Variants in CDH18 observed in about 807,000 individuals in gnomAD.
CDH18 encodes the protein cadherin-18.
In CDH18, 31 loss-of-function variants were observed where a neutral mutation model predicts 67.9. The ratio of observed to expected loss-of-function variants is 0.46; its 90% CI spans 0.34 to 0.62. The LOEUF (loss-of-function observed/expected upper bound fraction) is 0.62. Among genes scored for constraint, CDH18 ranks in the 20% least tolerant of loss-of-function variants. The pLI is 0.01. For synonymous variants in CDH18, 362 were observed against 347.2 expected (o/e 1.04, Z -0.48); for missense variants, 890 against 975.5 (o/e 0.91, Z 1.17).
chr5:19,719,512 T>TTTTCAACTAATTCTAAGCTC (rs1182582846), intron 5 of CDH18, among the ~76,000 whole-genome samples: 6 of 151,916 alleles, frequency 3.9e-5, no homozygotes, highest in Non-Finnish European at 8.8e-5. Flanking sequence ...AATGGCGAGC[T>TTTTCAACTAATTCTAAGCTC]TTTCAACTAA....
At chr5:19,486,346 C>A (rs1332442086) in intron 11 of CDH18, among the ~76,000 whole-genome samples, 1 of 151,360 alleles carries the variant, frequency 6.6e-6, no homozygotes, top group Non-Finnish European at 1.5e-5. Context: ...CATATATACA[C>A]ATACACACAA....
Position 19,472,343 on chromosome 5 carries a change from A to G in CDH18, c.*883T>C, listed in dbSNP as rs1291957432. On this transcript the variant is annotated 3_prime_UTR_variant, in exon 13 of 13. Coordinates refer to ENST00000382275, the MANE Select transcript of CDH18 (RefSeq NM_004934.5). ...GAGAAATGACCAAAATTGCTGATTT[A>G]AATATAATAAAACAAGTGGAAAAAA... Among the ~76,000 whole-genome samples, 1 of 152,184 alleles carries G rather than the reference A, an allele frequency of 6.6e-6. No individual in the cohort carries two copies. The highest frequency in any genetic ancestry group is 6.6e-5 in the Admixed American group (1 of 15,264).
intron 2 of CDH18, among the ~76,000 whole-genome samples, chr5:20,036,887 T>G (rs1208731629): frequency 6.6e-6 from 1 of 152,108 alleles, no homozygotes; most frequent in African/African-American, 2.4e-5. Flanking sequence ...TTGTCTTTTT[T>G]GATCTTTGTG....
intron 2 of CDH18, among the ~76,000 whole-genome samples, chr5:19,964,647 C>CAAAAAAAAAA (rs10719096): frequency 1.3e-5 from 1 of 77,196 alleles, no homozygotes; most frequent in Non-Finnish European, 3.4e-5. Flanking sequence ...GGCCCTGTAT[C>CAAAAAAAAAA]AAAAAAAAAA....
In CDH18 at chr5:20,297,351, G is replaced by A. The variant is rs151261166; in HGVS notation, c.-579-41846C>T. On this transcript the variant is annotated intron_variant, in intron 1 of 14. Coordinates refer to the CDH18 transcript ENST00000507958. ...CATTGAGGCCAAGTCACTATCTAAT[G>A]TCTTGCTGCAAGCAAGTGGGAAAAG... 7.0e-3 allele frequency among the ~76,000 whole-genome samples: 1,064 copies of A among 152,296 alleles called. 17 individuals are homozygous for A. Among genetic ancestry groups the A allele is most frequent in the African/African-American group, 0.024 (1,001 of 41,566 alleles).
intron 6 of CDH18, among the ~76,000 whole-genome samples, chr5:19,609,252 C>T (rs957261432): frequency 2.0e-5 from 3 of 151,862 alleles, no homozygotes; most frequent in Admixed American, 6.6e-5. Flanking sequence ...CATAGATGGG[C>T]TGATTTGTTT....
intron 5 of CDH18, among the ~76,000 whole-genome samples, chr5:19,648,673 T>G (rs2150255976): frequency 6.6e-6 from 1 of 152,254 alleles, no homozygotes; most frequent in Non-Finnish European, 1.5e-5. Flanking sequence ...GCTGAATTAT[T>G]TATAATCAGG....
At chr5:20,085,219 T>G (rs6888557) in intron 2 of CDH18, among the ~76,000 whole-genome samples, 49,304 of 152,010 alleles carry the variant, frequency 0.32, 8,588 homozygotes, top group Admixed American at 0.39. Flanking sequence ...AAGTTCAAAG[T>G]TCCACAAATA....
intron 5 of CDH18, among the ~76,000 whole-genome samples, chr5:19,640,552 C>T (rs966168722): frequency 2.6e-5 from 4 of 151,844 alleles, no homozygotes; most frequent in African/African-American, 9.7e-5. Context: ...ACAGAAATAA[C>T]CAGAAATATG....
chr5:19,657,797 T>C (rs1292085012), intron 5 of CDH18, among the ~76,000 whole-genome samples: 1 of 152,142 alleles, frequency 6.6e-6, no homozygotes, highest in African/African-American at 2.4e-5. Context: ...AGGAAGCACA[T>C]GTTTCTTGGA....
intron 2 of CDH18, among the ~76,000 whole-genome samples, chr5:19,900,202 T>C (rs1344865675): frequency 6.6e-6 from 1 of 151,776 alleles, no homozygotes; most frequent in Non-Finnish European, 1.5e-5. Context: ...TTCTCACAGA[T>C]ATAGAGAGTA....
intron 4 of CDH18, among the ~76,000 whole-genome samples, chr5:19,729,442 A>G (rs1767299447): frequency 1.3e-5 from 2 of 152,300 alleles, no homozygotes; most frequent in Non-Finnish European, 2.9e-5. Context: ...TCTTTCTCAT[A>G]TACACTATTA....
At chr5:19,667,159 T>C (rs1357672253) in intron 5 of CDH18, among the ~76,000 whole-genome samples, 1 of 151,790 alleles carries the variant, frequency 6.6e-6, no homozygotes, top group Non-Finnish European at 1.5e-5. Context: ...GCTAAGAAAA[T>C]TATTTTATTC....
chr5:20,174,974 A>C (rs1285590121), intron 2 of CDH18, among the ~76,000 whole-genome samples: 2 of 152,198 alleles, frequency 1.3e-5, no homozygotes, highest in Non-Finnish European at 2.9e-5. Context: ...AAAAGCAATG[A>C]GAAATCTTTC....
intron 3 of CDH18, among the ~76,000 whole-genome samples, chr5:19,819,753 G>T (rs574010771): frequency 8.4e-4 from 128 of 152,268 alleles, no homozygotes; most frequent in African/African-American, 3.0e-3. Context: ...ATCCCCCAAG[G>T]CTCTCCATCT....
At chr5:20,133,596 A>C (rs1749452422) in intron 2 of CDH18, among the ~76,000 whole-genome samples, 1 of 152,128 alleles carries the variant, frequency 6.6e-6, no homozygotes, top group African/African-American at 2.4e-5. Flanking sequence ...AACACTGTAA[A>C]TATTTCACTC....
At chr5:19,712,533 T>C (rs1034908432) in intron 5 of CDH18, among the ~76,000 whole-genome samples, 10 of 151,650 alleles carry the variant, frequency 6.6e-5, no homozygotes, top group African/African-American at 2.4e-5. Context: ...CACTGAAGTG[T>C]AAATTTGTGT....
intron 5 of CDH18, among the ~76,000 whole-genome samples, chr5:19,632,926 G>C (rs1752617345): frequency 6.6e-6 from 1 of 152,026 alleles, no homozygotes; most frequent in Non-Finnish European, 1.5e-5. Flanking sequence ...CTGCTGTTTT[G>C]CATCAGCTGG....
At chr5:20,253,637 CA>C (rs1213997548) in intron 2 of CDH18, among the ~76,000 whole-genome samples, 3 of 151,990 alleles carry the variant, frequency 2.0e-5, no homozygotes, top group Admixed American at 1.3e-4. Context: ...TTGACCAAAC[CA>C]AGGAAAGACT....
Sources: allele counts gnomAD v4.1 joint callset (sites outside exome capture counted in the v4.1 genomes callset), GRCh38; gene constraint gnomAD v4.1.1; transcripts MANE v1.5; gene names NCBI Gene and HGNC (gene_info 2026-07-23, HGNC 2026-07-21).